Variants in UVRAG observed in about 807,000 individuals in gnomAD.
UVRAG encodes the protein UV radiation resistance associated, also known as UV radiation resistance-associated gene protein.
Under a neutral mutation model 78.0 loss-of-function variants are expected in UVRAG, and 19 were observed. That is an observed-to-expected ratio of 0.24 (90% CI 0.17 to 0.36). The LOEUF (loss-of-function observed/expected upper bound fraction) is 0.36. Among genes scored for constraint, UVRAG ranks in the 10% least tolerant of loss-of-function variants. The probability of loss-of-function intolerance (pLI) is 1.00; values close to 1 mark genes in which losing one functional copy is unlikely to be tolerated. For missense variants in UVRAG, 740 were observed against 853.8 expected (o/e 0.87, Z 1.66); for synonymous variants, 323 against 324.6 (o/e 1.00, Z 0.05).
At chr11:76,047,268 A>G (rs1345469592) in intron 12 of UVRAG, among the ~76,000 whole-genome samples, 5 of 152,194 alleles carry the variant, frequency 3.3e-5, no homozygotes, top group Admixed American at 2.6e-4. Context: ...CAATCTGAAG[A>G]GGAGGTTCAG....
chr11:76,132,633 C>A (rs758597831), intron 14 of UVRAG, among the ~76,000 whole-genome samples: 3 of 152,108 alleles, frequency 2.0e-5, no homozygotes, highest in African/African-American at 7.2e-5. Context: ...TACATGCTTT[C>A]TTTATTTCAT....
At chr11:76,042,156 C>G (rs867817733) in intron 12 of UVRAG, among the ~76,000 whole-genome samples, 51 of 151,966 alleles carry the variant, frequency 3.4e-4, no homozygotes, top group African/African-American at 1.1e-3. Context: ...AACCTAAATC[C>G]CCTTTAGTAA....
intron 13 of UVRAG, among the ~76,000 whole-genome samples, chr11:76,079,980 T>C (rs1367925663): frequency 1.3e-5 from 2 of 152,136 alleles, no homozygotes; most frequent in Non-Finnish European, 2.9e-5. Flanking sequence ...AGCTGGGACG[T>C]CTGAGAGCAT....
chr11:75,890,003 AT>A (rs1216419582), intron 5 of UVRAG, among the ~76,000 whole-genome samples: 1 of 152,188 alleles, frequency 6.6e-6, no homozygotes, highest in Non-Finnish European at 1.5e-5. Context: ...TAGAGAGAGC[AT>A]TTCAGCCAGA....
At position 75,828,721 on chromosome 11, in the gene UVRAG, ATG is replaced by A. The variant is rs201452485; in HGVS notation, c.117+13207_117+13208del. 4.9e-4 allele frequency among the ~76,000 whole-genome samples: 59 copies of A among 120,798 alleles called. 1 individual carries two copies. The highest frequency in any genetic ancestry group is 1.0e-3 in the African/African-American group (25 of 23,856). 79.2% of individuals were successfully genotyped at this position (120,798 alleles called of 152,430 possible). ...TGTATATATATATATGTGTATATAT[ATG>A]TGTGTGTGTATATATATATATATAC... is the stretch of plus-strand genomic sequence containing the variant. On this transcript the variant is annotated intron_variant, in intron 1 of 14. Coordinates refer to ENST00000356136, the MANE Select transcript of UVRAG (RefSeq NM_003369.4).
chr11:75,919,967 T>C (rs1396809523), intron 6 of UVRAG, among the ~76,000 whole-genome samples: 3 of 150,576 alleles, frequency 2.0e-5, no homozygotes, highest in South Asian at 2.1e-4. Context: ...ATAGAAGATT[T>C]AGGAAGGTTT....
intron 8 of UVRAG, among the ~76,000 whole-genome samples, chr11:75,989,851 ACTGAGGCCCT>A (rs1949572409): frequency 6.6e-6 from 1 of 152,204 alleles, no homozygotes; most frequent in African/African-American, 2.4e-5. Flanking sequence ...AGTGCCCAAC[ACTGAGGCCCT>A]CAGTGAGTAT....
chr11:75,967,040 T>C (rs896904504), intron 7 of UVRAG, among the ~76,000 whole-genome samples: 4 of 152,176 alleles, frequency 2.6e-5, no homozygotes, highest in African/African-American at 9.7e-5. Flanking sequence ...GCAGCCACCC[T>C]CAGGGAAAAG....
At chr11:75,835,492 C>T (rs1565337730) in intron 1 of UVRAG, among the ~76,000 whole-genome samples, 1 of 152,178 alleles carries the variant, frequency 6.6e-6, no homozygotes, top group Non-Finnish European at 1.5e-5. Flanking sequence ...CTTACTGTTT[C>T]TGAGCCTGTT....
chr11:75,907,977 A>G (rs908908036), intron 5 of UVRAG, among the ~76,000 whole-genome samples: 1 of 152,204 alleles, frequency 6.6e-6, no homozygotes, highest in Non-Finnish European at 1.5e-5. Flanking sequence ...CATTAGGTAC[A>G]TTCACACTGT....
chr11:76,008,924 T>C, intron 11 of UVRAG, 57 bp downstream of exon 11: 1 of 1,035,554 alleles, frequency 9.7e-7, no homozygotes, highest in Non-Finnish European at 1.4e-6. Context: ...AAATAGAATA[T>C]CTTGAAATGC....
chr11:75,815,524 G>A lies in UVRAG; in HGVS notation c.117G>A (p.Gln39=). ...TGCATGTGGAGCTGCCGTCTCAGCAGGTAAGCCCGCGCGGCTCGCAGCACT... is the reference window on the plus strand; with the variant it reads ...TGCATGTGGAGCTGCCGTCTCAGCAAGTAAGCCCGCGCGGCTCGCAGCACT... ...RALHVELPSQ[Q]RRLRHLRNIA... is the part of the protein sequence containing the mutation. Residue 39 remains glutamine (Q), a splice_region_variant and synonymous_variant, in exon 1 of 15, where the codon CAG becomes CAA. Coordinates refer to ENST00000356136, the MANE Select transcript of UVRAG (RefSeq NM_003369.4). 1 of 1,234,906 alleles carries A rather than the reference G, an allele frequency of 8.1e-7. No homozygotes were observed. The highest frequency in any genetic ancestry group is 3.8e-5 in the South Asian group (1 of 26,496). The allele number at this position is 1,234,906 out of a possible 1,614,324, so 76.5% of individuals were successfully genotyped here.
intron 6 of UVRAG, among the ~76,000 whole-genome samples, chr11:75,957,612 A>G (rs1333359483): frequency 6.6e-6 from 1 of 152,088 alleles, no homozygotes; most frequent in Non-Finnish European, 1.5e-5. Flanking sequence ...GTCTCAAGCT[A>G]TTTACCCATT....
At chr11:75,982,821 T>A (rs1949419668) in intron 7 of UVRAG, among the ~76,000 whole-genome samples, 1 of 152,236 alleles carries the variant, frequency 6.6e-6, no homozygotes, top group Admixed American at 6.5e-5. Context: ...TGATCCATGT[T>A]GTAGCATTTG....
chr11:76,059,093 T>G (rs1158645598), intron 12 of UVRAG, among the ~76,000 whole-genome samples: 1 of 152,178 alleles, frequency 6.6e-6, no homozygotes, highest in Admixed American at 6.5e-5. Context: ...AGTGACATGA[T>G]AAGAGGTCTT....
At chr11:75,844,450 C>T (rs1303443827) in intron 1 of UVRAG, among the ~76,000 whole-genome samples, 1 of 152,018 alleles carries the variant, frequency 6.6e-6, no homozygotes, top group Non-Finnish European at 1.5e-5. Context: ...TGGTCTTGAT[C>T]TCCTGACCTC....
chr11:76,133,713 A>T (rs1952550838), intron 14 of UVRAG, among the ~76,000 whole-genome samples: 1 of 152,092 alleles, frequency 6.6e-6, no homozygotes, highest in Admixed American at 6.5e-5. Context: ...GGGTTTGGGG[A>T]CAATTGGAAT....
At chr11:76,008,651 A>G (rs1016830209) in intron 10 of UVRAG, among the ~76,000 whole-genome samples, 156 bp from the exon 11 acceptor site, 12 of 152,206 alleles carry the variant, frequency 7.9e-5, no homozygotes, top group African/African-American at 2.9e-4. Context: ...AGAGAGTAGA[A>G]TGAATCACCA....
At chr11:75,919,388 G>C (rs1392676881) in intron 6 of UVRAG, among the ~76,000 whole-genome samples, 1 of 152,160 alleles carries the variant, frequency 6.6e-6, no homozygotes, top group Admixed American at 6.5e-5. Flanking sequence ...GTTTCTGTAT[G>C]CTTATTTTAA....
Sources: gnomAD v4.1 joint callset for allele counts (sites outside exome capture counted in the v4.1 genomes callset) on GRCh38, gnomAD v4.1.1 for gene constraint, MANE v1.5 for transcripts, NCBI Gene and HGNC (gene_info 2026-07-23, HGNC 2026-07-21) for gene names.